TRPM8: variants seen among roughly 807,000 people sequenced by gnomAD.
TRPM8 encodes the protein TRPM8 cationic channel.
In TRPM8, 110 loss-of-function variants were observed where a neutral mutation model predicts 133.7. The observed-to-expected ratio is 0.82, with a 90% CI of 0.70 to 0.96. The LOEUF (loss-of-function observed/expected upper bound fraction) is 0.96. TRPM8 is among the 40% of genes least tolerant of loss of function. The pLI is 0.00. For missense variants in TRPM8, 1,291 were observed against 1,379.5 expected, an observed-to-expected ratio of 0.94 and a Z score of 1.02; for synonymous variants, 535 against 532.3, an observed-to-expected ratio of 1.01 and a Z score of -0.07.
At chr2:233,934,229 C>T (rs1233952418) in intron 3 of TRPM8, among the ~76,000 whole-genome samples, 1 of 152,136 alleles carries the variant, frequency 6.6e-6, no homozygotes, top group African/African-American at 2.4e-5. Flanking sequence ...CAGCAGGTCC[C>T]CTCTGCCCGT....
chr2:233,983,588 C>CA (rs1330780206), intron 20 of TRPM8, among the ~76,000 whole-genome samples: 1 of 152,156 alleles, frequency 6.6e-6, no homozygotes, highest in African/African-American at 2.4e-5. Context: ...TCAAAAAGAG[C>CA]AACATTGGAA....
At position 233,926,604 on chromosome 2, in the gene TRPM8, A is replaced by C. The variant is rs201333720; in HGVS notation, c.67A>C (p.Thr23Pro). ...RRNDTLDSTR[T>P]LYSSASRSTD... ...GAATGACACTCTGGACAGCACCCGG[A>C]CCCTGTACTCCAGCGCGTCTCGGAG... The change falls in exon 2 of 26, where the codon ACC becomes CCC. Residue 23 changes from threonine to proline, a missense_variant. Physicochemically the swap from Thr to Pro is conservative, Grantham distance 38. Coordinates refer to ENST00000324695, the MANE Select transcript of TRPM8 (RefSeq NM_024080.5). 1.0e-4 allele frequency: 166 copies of C among 1,613,920 alleles called. No individual in the cohort carries two copies. Among genetic ancestry groups the C allele is most frequent in the Non-Finnish European group, 1.3e-4 (156 of 1,179,988 alleles).
intron 3 of TRPM8, among the ~76,000 whole-genome samples, chr2:233,935,635 T>C (rs1690711017): frequency 6.6e-6 from 1 of 152,220 alleles, no homozygotes; most frequent in African/African-American, 2.4e-5. Flanking sequence ...TCTCCCACTT[T>C]GCTATTCTCT....
At chr2:233,946,277 G>A (rs1295924550) in intron 7 of TRPM8, 3 of 389,322 alleles carry the variant, frequency 7.7e-6, no homozygotes, top group Non-Finnish European at 1.4e-5. Context: ...TTCCATTGTG[G>A]TTTGTTAGTA....
intron 22 of TRPM8, among the ~76,000 whole-genome samples, chr2:234,001,418 A>G (rs918815389): frequency 1.4e-4 from 22 of 152,138 alleles, no homozygotes; most frequent in African/African-American, 3.6e-4. Context: ...CAATGAAAAA[A>G]GTGCTCATAA....
At chr2:233,979,057 TC>T in intron 17 of TRPM8, among the ~76,000 whole-genome samples, 1 of 152,290 alleles carries the variant, frequency 6.6e-6, no homozygotes, top group East Asian at 1.9e-4. Context: ...CTGAGCGAGT[TC>T]CTTAGCCTCT....
chr2:233,964,111 G>T (rs1272569966), intron 13 of TRPM8, among the ~76,000 whole-genome samples: 1 of 152,018 alleles, frequency 6.6e-6, no homozygotes, highest in Non-Finnish European at 1.5e-5. Context: ...TTGAGCTTCG[G>T]GCTCCCTGAC....
intron 22 of TRPM8, among the ~76,000 whole-genome samples, chr2:233,997,245 G>T (rs2125354336): frequency 6.6e-6 from 1 of 152,296 alleles, no homozygotes; most frequent in Admixed American, 6.5e-5. Context: ...CTGCACTCCA[G>T]CCTGGGCGAC....
chr2:233,994,575 G>A (rs1427095541), intron 21 of TRPM8, among the ~76,000 whole-genome samples: 1 of 152,320 alleles, frequency 6.6e-6, no homozygotes, highest in East Asian at 1.9e-4. Flanking sequence ...AGGCCCTAGT[G>A]TAGATTGCAG....
intron 17 of TRPM8, among the ~76,000 whole-genome samples, chr2:233,978,684 A>G (rs935977925): frequency 6.6e-6 from 1 of 152,116 alleles, no homozygotes; most frequent in South Asian, 2.1e-4. Flanking sequence ...TTTTTCCTAG[A>G]TTATGCTTTT....
chr2:233,994,110 T>C (rs578092211), intron 21 of TRPM8, among the ~76,000 whole-genome samples: 32 of 152,346 alleles, frequency 2.1e-4, no homozygotes, highest in African/African-American at 7.2e-4. Context: ...ATAATTTGAA[T>C]GGTAATAGTT....
At chr2:233,971,197 A>G (rs1691704913) in intron 17 of TRPM8, among the ~76,000 whole-genome samples, 1 of 152,168 alleles carries the variant, frequency 6.6e-6, no homozygotes, top group East Asian at 1.9e-4. Flanking sequence ...TGTGCTAGGC[A>G]CTTACAGTTT....
chr2:233,963,146 T>A (rs370168364), intron 12 of TRPM8, 136 bp from the exon 13 acceptor site: 6 of 467,562 alleles, frequency 1.3e-5, no homozygotes, highest in Middle Eastern at 3.1e-4. Flanking sequence ...GAGATGAAAA[T>A]CCCATCACTG....
chr2:234,002,685 C>T (rs560000824), intron 22 of TRPM8, among the ~76,000 whole-genome samples: 6 of 152,210 alleles, frequency 3.9e-5, no homozygotes, highest in South Asian at 2.1e-4. Flanking sequence ...AAAGAAAAGT[C>T]GCTGTTAGAT....
intron 15 of TRPM8, among the ~76,000 whole-genome samples, chr2:233,968,764 G>A (rs1369878810): frequency 2.6e-5 from 4 of 151,912 alleles, no homozygotes; most frequent in South Asian, 2.1e-4. Context: ...TGATGTGGTC[G>A]AGTCTATGCT....
chr2:234,016,634 A>T (rs1692963260), intron 25 of TRPM8, among the ~76,000 whole-genome samples: 1 of 152,100 alleles, frequency 6.6e-6, no homozygotes, highest in South Asian at 2.1e-4. Flanking sequence ...TCAACCTTTG[A>T]TCCCGGAACT....
chr2:233,995,128 C>T (rs762808330), intron 21 of TRPM8, among the ~76,000 whole-genome samples: 3 of 152,112 alleles, frequency 2.0e-5, no homozygotes, highest in Non-Finnish European at 4.4e-5. Flanking sequence ...GTCCAAATCC[C>T]GAATTCAACA....
intron 17 of TRPM8, among the ~76,000 whole-genome samples, chr2:233,973,716 C>T (rs1202150503): frequency 6.6e-6 from 1 of 152,220 alleles, no homozygotes; most frequent in African/African-American, 2.4e-5. Flanking sequence ...CATCCTACTT[C>T]CTAGCTCTGT....
intron 20 of TRPM8, among the ~76,000 whole-genome samples, chr2:233,983,761 C>T (rs913220217): frequency 6.6e-6 from 1 of 152,154 alleles, no homozygotes; most frequent in Non-Finnish European, 1.5e-5. Flanking sequence ...TTTGGATGGA[C>T]GGGCTGAAGC....
Sources: allele counts gnomAD v4.1 joint callset (sites outside exome capture counted in the v4.1 genomes callset), GRCh38; gene constraint gnomAD v4.1.1; transcripts MANE v1.5; gene names NCBI Gene and HGNC (gene_info 2026-07-23, HGNC 2026-07-21).